Variants in EIF2A observed in about 807,000 individuals in gnomAD.
EIF2A encodes 65 kDa eukaryotic translation initiation factor 2A.
EIF2A carries 62 observed loss-of-function variants against 75.2 expected under a neutral mutation model. The observed-to-expected ratio is 0.82, with a 90% confidence interval of 0.67 to 1.02. The LOEUF is 1.02. Ranked by LOEUF, EIF2A falls within the 50% of genes least tolerant of loss-of-function variation. The pLI is 0.00. For missense variants in EIF2A, 611 were observed against 677.7 expected, an observed-to-expected ratio of 0.90 and a Z score of 1.09; for synonymous variants, 207 against 239.0, an observed-to-expected ratio of 0.87 and a Z score of 1.23.
In EIF2A at chr3:150,569,645, T is replaced by C. The variant is rs372996844; in HGVS notation, c.811+1353T>C. 1.2e-4 allele frequency among the ~76,000 whole-genome samples: 19 copies of C among 152,142 alleles called. 1 individual carries two copies. Among genetic ancestry groups the C allele is most frequent in the Admixed American group, 7.2e-4 (11 of 15,272 alleles). ...TCCTGGCTAACATGGTGAAACCCCA[T>C]CTTTACTAAAAATACAAAAATTAGT... On this transcript the variant is annotated intron_variant, in intron 9 of 13. Coordinates refer to ENST00000460851, the MANE Select transcript of EIF2A (RefSeq NM_032025.5).
intron 11 of EIF2A, 126 bp downstream of exon 11, chr3:150,575,888 A>G: frequency 1.3e-6 from 1 of 752,628 alleles, no homozygotes; most frequent in Non-Finnish European, 2.0e-6. Context: ...TAGAAGTTCA[A>G]GACCAGACTG....
chr3:150,576,127 T>C (rs549740424), intron 11 of EIF2A, among the ~76,000 whole-genome samples: 1 of 151,786 alleles, frequency 6.6e-6, no homozygotes, highest in East Asian at 2.0e-4. Context: ...AGCCTTAAAG[T>C]TTAAAGAATT....
At chr3:150,562,077 G>C (rs768855115) in intron 3 of EIF2A, among the ~76,000 whole-genome samples, 164 of 151,264 alleles carry the variant, frequency 1.1e-3, no homozygotes, top group Non-Finnish European at 1.9e-3. Context: ...TTGAAGTTAA[G>C]GTATTTCCCG....
chr3:150,566,318 G>A (rs1415544528), intron 6 of EIF2A: 1 of 151,924 alleles, frequency 6.6e-6, no homozygotes, highest in Non-Finnish European at 1.5e-5. Flanking sequence ...TCGCCTTTTT[G>A]GTGTGCTACT....
chr3:150,560,069 C>T (rs998245043), intron 3 of EIF2A, among the ~76,000 whole-genome samples: 1 of 151,750 alleles, frequency 6.6e-6, no homozygotes, highest in African/African-American at 2.4e-5. Flanking sequence ...TTGAAGTATT[C>T]CTTGTTCTTC....
chr3:150,547,032 C>A (rs1723069956), intron 1 of EIF2A: 2 of 613,230 alleles, frequency 3.3e-6, no homozygotes, highest in East Asian at 2.8e-5. Context: ...TATTCCCCCT[C>A]CCTTTCACCC....
rs1205026135 is a variant in EIF2A at position 150,581,693 on chromosome 3, C to T, written c.1573C>T (p.Gln525Ter). The T allele has an allele frequency of 6.4e-7, 1 of 1,553,964 alleles. No homozygotes were observed. ...PQSTPRNTVS[Q>*]SISGDPEIDK... The stretch of plus-strand genomic sequence containing the variant: ...GAGCACACCACGAAACACTGTCTCT[C>T]AGTCAATTTCTGGGGACCCTGAGAT... The change falls in exon 12 of 14, where the codon CAG (glutamine) becomes TAG (stop). Residue 525 changes from glutamine (Q) to a stop codon, truncating the protein, a stop_gained. Coordinates refer to ENST00000460851, the MANE Select transcript of EIF2A (RefSeq NM_032025.5). LOFTEE classifies it high-confidence loss of function.
In EIF2A at chr3:150,572,053, A is replaced by G. The variant is rs1243376359; in HGVS notation, c.907A>G (p.Asn303Asp). The change falls in exon 10 of 14, where the codon AAC (asparagine) becomes GAC (aspartate). Residue 303 changes from asparagine to aspartate, a missense_variant. Coordinates refer to ENST00000460851, the MANE Select transcript of EIF2A (RefSeq NM_032025.5). The stretch of plus-strand genomic sequence containing the variant: ...TATGCCTGCCAAAGCGACAATTTTC[A>G]ACTTGAAATGTGATCCTGTATTTGA... ...GFMPAKATIFNLKCDPVFDFG... is the reference protein window; with the variant it reads ...GFMPAKATIFDLKCDPVFDFG... 2 of 1,613,952 alleles carry G rather than the reference A, an allele frequency of 1.2e-6. No homozygotes were observed. The highest frequency in any genetic ancestry group is 2.2e-5 in the East Asian group (1 of 44,878).
At chr3:150,551,586 A>G (rs1723317786) in intron 1 of EIF2A, among the ~76,000 whole-genome samples, 1 of 151,748 alleles carries the variant, frequency 6.6e-6, no homozygotes, top group Non-Finnish European at 1.5e-5. Flanking sequence ...AAAATAGCCA[A>G]GCAGGGTGGC....
intron 6 of EIF2A, 66 bp downstream of exon 6, chr3:150,564,447 T>C (rs1336120131): frequency 3.9e-6 from 5 of 1,291,112 alleles, no homozygotes; most frequent in Non-Finnish European, 5.3e-6. Flanking sequence ...CATTAACTTT[T>C]ATGACATCAT....
intron 9 of EIF2A, among the ~76,000 whole-genome samples, chr3:150,569,277 T>A (rs967346534): frequency 1.3e-5 from 2 of 152,022 alleles, no homozygotes; most frequent in Non-Finnish European, 2.9e-5. Flanking sequence ...GCAAAAATAA[T>A]AAGAACAAAT....
chr3:150,566,234 C>G (rs1456855025), intron 6 of EIF2A: 3 of 152,158 alleles, frequency 2.0e-5, no homozygotes, highest in African/African-American at 7.2e-5. Context: ...TATGGTAAGA[C>G]AAGTCATTCT....
Position 150,567,690 on chromosome 3 carries a change from T to A in EIF2A, c.476-3T>A, listed in dbSNP as rs748473134. The stretch of plus-strand genomic sequence containing the variant: ...ATCTGATTTAATTTACTCTTTTTTT[T>A]AGACACAATTGCAAATAAATTGCAT... On this transcript the variant is annotated splice_region_variant and splice_polypyrimidine_tract_variant and intron_variant, in intron 6 of 13. Coordinates refer to ENST00000460851, the MANE Select transcript of EIF2A (RefSeq NM_032025.5). The A allele has an allele frequency of 3.9e-6, 6 of 1,525,122 alleles. No individual in the cohort carries two copies. The African/African-American group carries it at 8.3e-5, about 21-fold the overall frequency. 94.5% of individuals were successfully genotyped at this position (1,525,122 alleles called of 1,614,324 possible).
chr3:150,568,393 T>C, intron 9 of EIF2A, 101 bp downstream of exon 9: 3 of 937,652 alleles, frequency 3.2e-6, no homozygotes, highest in Middle Eastern at 2.3e-4. Flanking sequence ...AAAGATAGAA[T>C]TCATATGCCT....
chr3:150,568,904 G>A (rs1436173771), intron 9 of EIF2A, among the ~76,000 whole-genome samples: 1 of 152,198 alleles, frequency 6.6e-6, no homozygotes, highest in Non-Finnish European at 1.5e-5. Flanking sequence ...GTGAAAGAGC[G>A]AGACCCTGTC....
intron 1 of EIF2A, among the ~76,000 whole-genome samples, chr3:150,551,027 C>G (rs1723287980): frequency 6.6e-6 from 1 of 152,184 alleles, no homozygotes; most frequent in Non-Finnish European, 1.5e-5. Context: ...CCCCTTGACG[C>G]TCTGTCGTTT....
chr3:150,562,498 A>G, intron 3 of EIF2A, 44 bp from the exon 4 acceptor site: 1 of 1,453,266 alleles, frequency 6.9e-7, no homozygotes, highest in Non-Finnish European at 9.5e-7. Context: ...GTTGACTACT[A>G]TAAAACAGTA....
intron 6 of EIF2A, 29 bp downstream of exon 6, chr3:150,564,410 T>G: frequency 6.5e-7 from 1 of 1,532,154 alleles, no homozygotes; most frequent in Non-Finnish European, 8.8e-7. Flanking sequence ...CATAATTTTA[T>G]TACTTACTGT....
At chr3:150,550,776 C>T (rs760989512) in intron 1 of EIF2A, among the ~76,000 whole-genome samples, 1 of 152,202 alleles carries the variant, frequency 6.6e-6, no homozygotes, top group Non-Finnish European at 1.5e-5. Context: ...AGGTGATCCT[C>T]CTGCCTCAGC....
Sources: allele counts gnomAD v4.1 joint callset (sites outside exome capture counted in the v4.1 genomes callset), GRCh38; gene constraint gnomAD v4.1.1; transcripts MANE v1.5; gene names NCBI Gene and HGNC (gene_info 2026-07-23, HGNC 2026-07-21).